The following HDX variants were observed in gnomAD, a reference collection of about 807,000 sequenced individuals.
HDX encodes chromosome X open reading frame 43.
A neutral mutation model predicts 45.2 loss-of-function variants in HDX; 19 were observed. The ratio of observed to expected loss-of-function variants is 0.42; its 90% CI spans 0.29 to 0.62. The LOEUF is 0.62. HDX is among the 20% of genes least tolerant of loss of function. HDX has a pLI of 0.20. For missense variants in HDX, 532 were observed against 493.9 expected, an observed-to-expected ratio of 1.08 and a Z score of -0.73; for synonymous variants, 188 against 172.8, an observed-to-expected ratio of 1.09 and a Z score of -0.69.
chrX:84,484,518 T>C (rs897824937), intron 2 of HDX, among the ~76,000 whole-genome samples: 3 of 8,750 alleles, frequency 3.4e-4, no homozygotes, highest in African/African-American at 1.4e-3. Flanking sequence ...CATGATTCAA[T>C]TACCTCCCAC....
At chrX:84,330,157 A>G (rs1204157217) in intron 9 of HDX, among the ~76,000 whole-genome samples, 2 of 111,130 alleles carry the variant, frequency 1.8e-5, no homozygotes, top group African/African-American at 6.5e-5. Context: ...AGCATTTTGT[A>G]CCCTATAAAT....
chrX:84,318,660 T>A lies in HDX; in HGVS notation c.*3229A>T, dbSNP rs1250252496. ...TTTCTCCTACAAACTTACAGACTGC[T>A]GAATATGAAAGTGCCTCACAATAGA... On this transcript the variant is annotated 3_prime_UTR_variant, in exon 11 of 11. Coordinates refer to ENST00000373177, the MANE Select transcript of HDX (RefSeq NM_001177479.2). 9.0e-6 allele frequency: 1 copy of A among 111,404 alleles called. No individual in the cohort carries two copies. The highest frequency in any genetic ancestry group is 1.9e-5 in the Non-Finnish European group (1 of 52,658). 9.2% of individuals were successfully genotyped at this position (111,404 alleles called of 1,213,427 possible).
At chrX:84,486,344 T>G (rs1238142837) in intron 2 of HDX, among the ~76,000 whole-genome samples, 2 of 111,528 alleles carry the variant, frequency 1.8e-5, no homozygotes, top group South Asian at 3.7e-4. Context: ...AAAACCCTGA[T>G]AGACAATGTT....
intron 6 of HDX, among the ~76,000 whole-genome samples, chrX:84,357,461 G>A (rs769031174): frequency 4.8e-4 from 53 of 111,097 alleles, no homozygotes; most frequent in African/African-American, 1.7e-3. Flanking sequence ...ATGCAGAAAA[G>A]GAAAAAATGA....
chrX:84,497,679 C>T (rs1036212988), intron 1 of HDX, among the ~76,000 whole-genome samples: 8 of 64,886 alleles, frequency 1.2e-4, no homozygotes, highest in Non-Finnish European at 2.1e-4. Flanking sequence ...GGAAAATATA[C>T]ATGTTATATG....
chrX:84,406,049 T>C (rs1037333629), intron 5 of HDX, among the ~76,000 whole-genome samples: 3 of 110,784 alleles, frequency 2.7e-5, no homozygotes, highest in Non-Finnish European at 3.8e-5. Context: ...ACACAATATG[T>C]GTCCGTGAAT....
intron 5 of HDX, among the ~76,000 whole-genome samples, chrX:84,422,872 G>T (rs1211695517): frequency 9.2e-6 from 1 of 108,861 alleles, no homozygotes; most frequent in Admixed American, 9.9e-5. Context: ...GTTTCACCGT[G>T]TTAGCCAGGA....
intron 5 of HDX, among the ~76,000 whole-genome samples, chrX:84,382,614 T>C (rs958843933): frequency 8.1e-5 from 9 of 111,520 alleles, no homozygotes; most frequent in African/African-American, 2.9e-4. Context: ...ATATCACATG[T>C]TCTCAGTTAT....
At chrX:84,343,819 TTAAA>T (rs1205311709) in intron 7 of HDX, among the ~76,000 whole-genome samples, 2 of 110,878 alleles carry the variant, frequency 1.8e-5, no homozygotes, top group African/African-American at 6.5e-5. Context: ...TAAAGCCCAA[TTAAA>T]TACTTTGCAT....
At chrX:84,346,686 A>G (rs776653545) in intron 6 of HDX, among the ~76,000 whole-genome samples, 1 of 111,374 alleles carries the variant, frequency 9.0e-6, no homozygotes, top group Admixed American at 9.6e-5. Flanking sequence ...ATTCATAGGA[A>G]AACAAAAATG....
chrX:84,361,335 A>G (rs1456651447), intron 6 of HDX, 131 bp downstream of exon 6: 6 of 458,707 alleles, frequency 1.3e-5, no homozygotes, highest in Non-Finnish European at 1.8e-5. Context: ...TGATTTCAAA[A>G]TATCTCCTAT....
chrX:84,441,719 T>C (rs1278353992), intron 4 of HDX, among the ~76,000 whole-genome samples: 1 of 111,685 alleles, frequency 9.0e-6, no homozygotes, highest in Admixed American at 9.5e-5. Context: ...AGATATTTCT[T>C]GCATATTATA....
At chrX:84,395,672 C>G (rs1367895256) in intron 5 of HDX, among the ~76,000 whole-genome samples, 1 of 111,154 alleles carries the variant, frequency 9.0e-6, no homozygotes, top group East Asian at 2.8e-4. Context: ...TTTTCTAACC[C>G]ATTCATTTTT....
intron 4 of HDX, among the ~76,000 whole-genome samples, chrX:84,450,348 GA>G (rs2039971469): frequency 9.0e-6 from 1 of 110,897 alleles, no homozygotes; most frequent in Non-Finnish European, 1.9e-5. Context: ...TAAAGGGATG[GA>G]AAAAAATATT....
chrX:84,335,266 G>A (rs1180066127), intron 8 of HDX, among the ~76,000 whole-genome samples: 4 of 110,605 alleles, frequency 3.6e-5, no homozygotes, highest in South Asian at 3.8e-4. Flanking sequence ...AAAGGAGCTA[G>A]GCAATTCAGG....
At chrX:84,471,193 C>A (rs190680978) in intron 3 of HDX, among the ~76,000 whole-genome samples, 1,427 of 108,677 alleles carry the variant, frequency 0.013, 32 homozygotes, top group African/African-American at 0.047. Flanking sequence ...TGTTGCTGTA[C>A]TACTGTAAAT....
Position 84,333,756 on chromosome X carries a change from T to A in HDX, c.1824+3A>T, listed in dbSNP as rs1452985640. ...AATAAATTCATAATTTAAAATTACC[T>A]ACCTTATAATCCAAGAAAGAGTTTA... On this transcript the variant is annotated splice_donor_region_variant and intron_variant, in intron 9 of 10. Coordinates refer to ENST00000373177, the MANE Select transcript of HDX (RefSeq NM_001177479.2). 2 of 827,995 alleles carry A rather than the reference T, an allele frequency of 2.4e-6. No individual in the cohort carries two copies. The highest frequency in any genetic ancestry group is 4.0e-5 in the African/African-American group (2 of 49,439). 68.2% of individuals were successfully genotyped at this position (827,995 alleles called of 1,213,427 possible).
chrX:84,354,587 T>G (rs997096744), intron 6 of HDX, among the ~76,000 whole-genome samples: 3 of 110,289 alleles, frequency 2.7e-5, no homozygotes, highest in African/African-American at 9.9e-5. Context: ...GAAATGCATA[T>G]GTACAGGTGA....
intron 1 of HDX, among the ~76,000 whole-genome samples, chrX:84,491,188 G>T (rs2040886794): frequency 9.0e-6 from 1 of 111,149 alleles, no homozygotes; most frequent in African/African-American, 3.3e-5. Flanking sequence ...AATGACATTG[G>T]CTCACAATTC....
Sources: allele counts gnomAD v4.1 joint callset (sites outside exome capture counted in the v4.1 genomes callset), GRCh38; gene constraint gnomAD v4.1.1; transcripts MANE v1.5; gene names NCBI Gene and HGNC (gene_info 2026-07-23, HGNC 2026-07-21).